PKHD1: variants seen among roughly 807,000 people sequenced by gnomAD.
PKHD1 encodes the protein PKHD1 ciliary IPT domain containing fibrocystin/polyductin, also known as fibrocystin.
In PKHD1, 291 loss-of-function variants were observed where a neutral mutation model predicts 412.0. The observed-to-expected ratio is 0.71, with a 90% confidence interval of 0.64 to 0.78. PKHD1 has a LOEUF of 0.78. PKHD1 is among the 30% of genes least tolerant of loss of function. The probability of loss-of-function intolerance (pLI) is 0.00; values close to 1 mark genes in which losing one functional copy is unlikely to be tolerated. For synonymous variants in PKHD1, 1,777 were observed against 1,821.5 expected, an observed-to-expected ratio of 0.98 and a Z score of 0.62; for missense variants, 4,825 against 4,950.7, an observed-to-expected ratio of 0.97 and a Z score of 0.76.
At chr6:51,941,542 A>C (rs1788570301) in intron 36 of PKHD1, among the ~76,000 whole-genome samples, 3 of 151,154 alleles carry the variant, frequency 2.0e-5, no homozygotes, top group African/African-American at 2.4e-5. Flanking sequence ...GGCGTGAGCC[A>C]CCGCACCCAG....
chr6:51,950,218 AAAATAT>A (rs1790115239), intron 36 of PKHD1, among the ~76,000 whole-genome samples: 1 of 40,882 alleles, frequency 2.4e-5, no homozygotes, highest in Non-Finnish European at 5.4e-5. Context: ...GAGAAAAAAA[AAAATAT>A]ATATATATAT....
intron 29 of PKHD1, 62 bp from the exon 30 acceptor site, chr6:52,028,413 C>A: frequency 1.4e-6 from 2 of 1,474,500 alleles, no homozygotes; most frequent in South Asian, 2.3e-5. Context: ...ACCATCTATT[C>A]AATTCTAAAA....
intron 59 of PKHD1, among the ~76,000 whole-genome samples, chr6:51,745,741 T>C (rs1785108805): frequency 6.6e-6 from 1 of 152,156 alleles, no homozygotes; most frequent in South Asian, 2.1e-4. Flanking sequence ...CTTCATAAAT[T>C]ATCCAGTCTG....
intron 52 of PKHD1, 32 bp downstream of exon 52, chr6:51,830,829 C>T: frequency 6.2e-7 from 1 of 1,604,398 alleles, no homozygotes; most frequent in Middle Eastern, 1.7e-4. Context: ...TTCAGCCTGT[C>T]TGTGATTCAT....
chr6:52,017,474 A>C lies in PKHD1; in HGVS notation c.5536T>G (p.Cys1846Gly). The C allele has an allele frequency of 6.2e-7, 1 of 1,614,220 alleles. No individual in the cohort carries two copies. Among genetic ancestry groups the C allele is most frequent in the Non-Finnish European group, 8.5e-7 (1 of 1,179,996 alleles). ...GCCCAATGATCTGGCACAAAGAGGC[A>C]TTGGGAACTTTCCTCGCAAATGTAG... Reference protein sequence around the residue: ...YLYICEESSQCLFVPDHWAES... With the variant: ...YLYICEESSQGLFVPDHWAES... The change falls in exon 34 of 67, where the codon TGC becomes GGC. Residue 1846 changes from cysteine to glycine, a missense_variant. Transcript: ENST00000371117.
chr6:52,083,197 C>T lies in PKHD1; in HGVS notation c.111G>A (p.Trp37Ter). 6.2e-7 allele frequency: 1 copy of T among 1,609,548 alleles called. No homozygotes were observed. Among genetic ancestry groups the T allele is most frequent in the Non-Finnish European group, 8.5e-7 (1 of 1,175,832 alleles). ...ACCTACCATCAAAAATGACTGTGAT[C>T]CACGTTCCCCCTGCAAGGCTACCTT... The part of the protein sequence containing the change: ...PEEGSLAGGT[W>*]ITVIFDGLEL... Residue 37 changes from tryptophan to a stop codon, truncating the protein, a stop_gained, in exon 3 of 67, where the codon TGG becomes TGA. Transcript: ENST00000371117. LOFTEE classifies it high-confidence loss of function.
At position 52,027,532 on chromosome 6, in the gene PKHD1, C is replaced by CAAA. The variant is rs1229066296; in HGVS notation, c.3628+294_3628+296dup. 0.024 allele frequency among the ~76,000 whole-genome samples: 2,002 copies of CAAA among 83,348 alleles called. 55 individuals carry two copies. Among genetic ancestry groups the CAAA allele is most frequent in the South Asian group, 0.085 (175 of 2,054 alleles). 54.7% of individuals were successfully genotyped at this position (83,348 alleles called of 152,430 possible). On this transcript the variant is annotated intron_variant, in intron 31 of 66. Coordinates refer to ENST00000371117, the MANE Select transcript of PKHD1 (RefSeq NM_138694.4). ...GGGCAACAAGAGCGAAACTCCGTCT[C>CAAA]AAAAAAAAAAAAAAAAAGAAGAAGA...
intron 48 of PKHD1, among the ~76,000 whole-genome samples, chr6:51,861,140 T>A (rs1175714968): frequency 6.6e-6 from 1 of 152,194 alleles, no homozygotes; most frequent in African/African-American, 2.4e-5. Context: ...CAGGGAAATG[T>A]TCCATTAGAA....
At chr6:51,898,129 C>T (rs1426421609) in intron 43 of PKHD1, among the ~76,000 whole-genome samples, 1 of 151,820 alleles carries the variant, frequency 6.6e-6, no homozygotes, top group Non-Finnish European at 1.5e-5. Flanking sequence ...AACAAGGATA[C>T]CCAGGAATTG....
intron 60 of PKHD1, among the ~76,000 whole-genome samples, chr6:51,732,428 C>G (rs1167262971): frequency 6.6e-6 from 1 of 152,040 alleles, no homozygotes; most frequent in Non-Finnish European, 1.5e-5. Context: ...ACCACAACTC[C>G]TAAGATTCAA....
At chr6:51,870,807 A>G (rs1775870175) in intron 46 of PKHD1, among the ~76,000 whole-genome samples, 168 bp from the exon 47 acceptor site, 1 of 152,184 alleles carries the variant, frequency 6.6e-6, no homozygotes, top group African/African-American at 2.4e-5. Flanking sequence ...GAATATAGAA[A>G]GAACTCTTAG....
chr6:51,784,879 A>G (rs1792619455), intron 53 of PKHD1, among the ~76,000 whole-genome samples: 1 of 152,162 alleles, frequency 6.6e-6, no homozygotes, highest in Non-Finnish European at 1.5e-5. Context: ...CTGATGTCAC[A>G]TTGACTTGTT....
At chr6:51,850,146 A>AAG (rs1399201090) in intron 49 of PKHD1, among the ~76,000 whole-genome samples, 3 of 152,246 alleles carry the variant, frequency 2.0e-5, no homozygotes, top group African/African-American at 7.2e-5. Flanking sequence ...TTTACTGAAT[A>AAG]AGAGATCCTT....
intron 40 of PKHD1, 76 bp from the exon 41 acceptor site, chr6:51,906,416 C>CT: frequency 6.3e-6 from 7 of 1,116,782 alleles, no homozygotes; most frequent in Non-Finnish European, 9.5e-6. Context: ...GCAACCTACA[C>CT]TGTAGCTAAA....
intron 32 of PKHD1, 22 bp downstream of exon 32, chr6:52,024,552 C>T (rs768041162): frequency 8.7e-6 from 14 of 1,606,376 alleles, no homozygotes; most frequent in Middle Eastern, 1.6e-4. Flanking sequence ...AGAAAGTGTG[C>T]TGTCTTATTT....
chr6:51,655,449 GC>G (rs1362367170), intron 61 of PKHD1, among the ~76,000 whole-genome samples: 1 of 152,006 alleles, frequency 6.6e-6, no homozygotes, highest in Non-Finnish European at 1.5e-5. Context: ...AACTTAAAAA[GC>G]TACTAATATG....
In PKHD1 at chr6:52,050,172, G is replaced by A. The variant is rs1057517158; in HGVS notation, c.2264C>T (p.Pro755Leu). 18 of 1,614,118 alleles carry A rather than the reference G, an allele frequency of 1.1e-5. No homozygotes were observed. The highest frequency in any genetic ancestry group is 2.2e-5 in the East Asian group (1 of 44,870). ...CACTCCTTACCGTGCAGTGATGAGC[G>A]GGAGCTCCGTGCCACACCCCGCCAG... is the stretch of plus-strand genomic sequence containing the variant. ...SWLAGCGTEL[P>L]LITARSVPTE... The change falls in exon 22 of 67, where the codon CCG becomes CTG. Residue 755 changes from proline (P) to leucine (L), a missense_variant. Coordinates refer to ENST00000371117, the MANE Select transcript of PKHD1 (RefSeq NM_138694.4).
intron 55 of PKHD1, among the ~76,000 whole-genome samples, chr6:51,755,455 G>A (rs185234124): frequency 6.6e-6 from 1 of 152,230 alleles, no homozygotes; most frequent in African/African-American, 2.4e-5. Flanking sequence ...GTGTGACCTT[G>A]AGAAGTCACT....
rs1773248486 is a variant in PKHD1, at chr6:51,856,044, T to A, written c.7760A>T (p.Asp2587Val). 6.2e-7 allele frequency: 1 copy of A among 1,604,814 alleles called. No individual in the cohort carries two copies. The highest frequency in any genetic ancestry group is 8.5e-7 in the Non-Finnish European group (1 of 1,171,906). ...ATTTCTGCTGTCAGTCATGGTTAAA[T>A]CATAAGAAACTTCAGGAGTATTCGC... Reference protein sequence around the residue: ...GLANTPEVSYDLTMTDSRNKT... With the variant: ...GLANTPEVSYVLTMTDSRNKT... Residue 2587 changes from aspartate (D) to valine (V), a missense_variant, in exon 49 of 67, where the codon GAT becomes GTT. By Grantham distance (152) the Asp-to-Val change is radical. Transcript: ENST00000371117.
Sources: gnomAD v4.1 joint callset for allele counts (sites outside exome capture counted in the v4.1 genomes callset) on GRCh38, gnomAD v4.1.1 for gene constraint, MANE v1.5 for transcripts, NCBI Gene and HGNC (gene_info 2026-07-23, HGNC 2026-07-21) for gene names.